GTF2F2: variants seen among roughly 807,000 people sequenced by gnomAD.
GTF2F2 encodes the protein general transcription factor IIF subunit 2.
A neutral mutation model predicts 42.2 loss-of-function variants in GTF2F2; 23 were observed. That is an observed-to-expected ratio of 0.55 (90% CI 0.39 to 0.77). The LOEUF is 0.77. GTF2F2 is among the 30% of genes least tolerant of loss of function. The pLI, the probability that GTF2F2 is intolerant of heterozygous loss-of-function variation, is 0.00. For synonymous variants in GTF2F2, 105 were observed against 100.8 expected, an observed-to-expected ratio of 1.04 and a Z score of -0.25; for missense variants, 261 against 287.2, an observed-to-expected ratio of 0.91 and a Z score of 0.66.
intron 4 of GTF2F2, among the ~76,000 whole-genome samples, chr13:45,177,032 C>T (rs1472917026): frequency 1.3e-5 from 2 of 152,120 alleles, no homozygotes; most frequent in Non-Finnish European, 2.9e-5. Context: ...TCAAGTGATC[C>T]ACCCACCTCA....
At chr13:45,165,328 TA>T (rs201473905) in intron 4 of GTF2F2, among the ~76,000 whole-genome samples, 4,213 of 132,770 alleles carry the variant, frequency 0.032, 93 homozygotes, top group East Asian at 0.1. Context: ...TATATATATA[TA>T]TATTTTTTTT....
At chr13:45,222,158 T>G (rs1047418717) in intron 5 of GTF2F2, among the ~76,000 whole-genome samples, 3 of 152,210 alleles carry the variant, frequency 2.0e-5, no homozygotes, top group African/African-American at 7.2e-5. Context: ...ACATACTGAC[T>G]ATATCTCCAC....
In GTF2F2 at chr13:45,212,463, C is replaced by CTTTTCTTTTCTTTTCT. The variant is rs376424917; in HGVS notation, c.386+4961_386+4962insTCTTTTCTTTTCTTTT. Among the ~76,000 whole-genome samples the CTTTTCTTTTCTTTTCT allele has an allele frequency of 2.2e-3, 60 of 27,498 alleles. 1 individual carries two copies. The highest frequency in any genetic ancestry group is 3.2e-3 in the African/African-American group (29 of 9,036). 18.0% of individuals were successfully genotyped at this position (27,498 alleles called of 152,430 possible). Reference sequence around the variant, plus strand: ...TTCTTTCTTGTTTCTTTCTTTCTTTCTTTCTTTCTTTCTTTCTTTCTTTCT... The same window carrying CTTTTCTTTTCTTTTCT: ...TTCTTTCTTGTTTCTTTCTTTCTTTCTTTTCTTTTCTTTTCTTTTCTTTCTTTCTTTCTTTCTTTCT... On this transcript the variant is annotated intron_variant, in intron 5 of 7. Coordinates refer to ENST00000340473, the MANE Select transcript of GTF2F2 (RefSeq NM_004128.3).
chr13:45,209,628 T>A (rs1476657460), intron 5 of GTF2F2, among the ~76,000 whole-genome samples: 1 of 152,170 alleles, frequency 6.6e-6, no homozygotes, highest in Admixed American at 6.5e-5. Context: ...TGTGGTTCTG[T>A]AAGCCTGGAA....
intron 1 of GTF2F2, among the ~76,000 whole-genome samples, chr13:45,132,785 C>T (rs559186248): frequency 6.6e-5 from 10 of 150,730 alleles, no homozygotes; most frequent in South Asian, 4.2e-4. Flanking sequence ...TGCTTTTTCT[C>T]GGTGGAAGAG....
intron 5 of GTF2F2, among the ~76,000 whole-genome samples, chr13:45,250,207 A>ACCATGC (rs1194657608): frequency 6.6e-6 from 1 of 151,884 alleles, no homozygotes; most frequent in Non-Finnish European, 1.5e-5. Context: ...GGTATGCACT[A>ACCATGC]CCATGCCCAG....
chr13:45,122,821 A>G (rs562523478), intron 1 of GTF2F2, among the ~76,000 whole-genome samples: 1 of 152,252 alleles, frequency 6.6e-6, no homozygotes, highest in South Asian at 2.1e-4. Context: ...TCTTCCTAGG[A>G]TATCTCACGG....
intron 7 of GTF2F2, 98 bp downstream of exon 7, chr13:45,267,474 A>G (rs1248436757): frequency 1.3e-6 from 1 of 782,938 alleles, no homozygotes; most frequent in African/African-American, 1.8e-5. Context: ...ACATTTACCT[A>G]TGCTAATGAC....
chr13:45,264,364 C>G (rs150863251), intron 6 of GTF2F2, among the ~76,000 whole-genome samples: 2 of 151,892 alleles, frequency 1.3e-5, no homozygotes, highest in East Asian at 3.9e-4. Context: ...TCACTGCAAC[C>G]TCTGTCTCCT....
At chr13:45,280,304 A>G (rs572631880) in intron 7 of GTF2F2, among the ~76,000 whole-genome samples, 1 of 152,318 alleles carries the variant, frequency 6.6e-6, no homozygotes, top group East Asian at 1.9e-4. Flanking sequence ...AGTCATTAGA[A>G]TATTTTAGAC....
chr13:45,249,819 T>TGG (rs113658266), intron 5 of GTF2F2, among the ~76,000 whole-genome samples: 30 of 152,162 alleles, frequency 2.0e-4, no homozygotes, highest in African/African-American at 6.5e-4. Context: ...TAGAGGAGGA[T>TGG]GGGGGGCCAA....
intron 1 of GTF2F2, among the ~76,000 whole-genome samples, chr13:45,121,746 A>G (rs1262834772): frequency 6.6e-6 from 1 of 152,236 alleles, no homozygotes; most frequent in Non-Finnish European, 1.5e-5. Context: ...TAATTACTCA[A>G]CAAATAGATG....
intron 6 of GTF2F2, among the ~76,000 whole-genome samples, chr13:45,263,246 G>C (rs79755874): frequency 8.1e-6 from 1 of 123,268 alleles, no homozygotes; most frequent in Non-Finnish European, 1.7e-5. Context: ...TTTTTTTTTT[G>C]AGACGGAGTC....
intron 4 of GTF2F2, among the ~76,000 whole-genome samples, chr13:45,171,143 T>C (rs919421234): frequency 6.8e-6 from 1 of 146,010 alleles, no homozygotes; most frequent in African/African-American, 2.6e-5. Flanking sequence ...AGTAATTCGA[T>C]CTTGGCTCAC....
At chr13:45,172,549 T>C (rs1275103119) in intron 4 of GTF2F2, among the ~76,000 whole-genome samples, 2 of 152,212 alleles carry the variant, frequency 1.3e-5, no homozygotes, top group Non-Finnish European at 2.9e-5. Context: ...AATTTTGATA[T>C]AATCTAATGT....
At chr13:45,135,321 G>A (rs925189863) in intron 1 of GTF2F2, among the ~76,000 whole-genome samples, 4 of 151,904 alleles carry the variant, frequency 2.6e-5, no homozygotes, top group East Asian at 1.9e-4. Context: ...TTGCTCTGGC[G>A]CAATCTTGGC....
intron 4 of GTF2F2, among the ~76,000 whole-genome samples, chr13:45,168,779 G>GCTTGCTTCCTTC (rs1281109592): frequency 8.0e-6 from 1 of 125,532 alleles, no homozygotes; most frequent in Non-Finnish European, 1.7e-5. Context: ...CACCTGGCTG[G>GCTTGCTTCCTTC]CTTCCTTCCT....
At chr13:45,237,230 T>C (rs1875039616) in intron 5 of GTF2F2, among the ~76,000 whole-genome samples, 1 of 152,178 alleles carries the variant, frequency 6.6e-6, no homozygotes, top group South Asian at 2.1e-4. Flanking sequence ...TCCATGAACA[T>C]TGCATGTTTT....
intron 7 of GTF2F2, among the ~76,000 whole-genome samples, chr13:45,273,802 C>CCG (rs1238946697): frequency 2.0e-5 from 3 of 151,558 alleles, no homozygotes; most frequent in African/African-American, 7.3e-5. Context: ...TTACAGGTGC[C>CCG]CGCCACCATG....
Sources: gnomAD v4.1 joint callset for allele counts (sites outside exome capture counted in the v4.1 genomes callset) on GRCh38, gnomAD v4.1.1 for gene constraint, MANE v1.5 for transcripts, NCBI Gene and HGNC (gene_info 2026-07-23, HGNC 2026-07-21) for gene names.